The following TEX14 variants were observed in gnomAD, a reference collection of about 807,000 sequenced individuals.
TEX14 encodes inactive serine/threonine-protein kinase TEX14.
A neutral mutation model predicts 178.6 loss-of-function variants in TEX14; 168 were observed. That is an observed-to-expected ratio of 0.94 (90% CI 0.83 to 1.07). The LOEUF is 1.07. TEX14 is among the 50% of genes least tolerant of loss of function. The probability of loss-of-function intolerance (pLI) is 0.00; values close to 1 mark genes in which losing one functional copy is unlikely to be tolerated. For synonymous variants in TEX14, 626 were observed against 634.1 expected (o/e 0.99, Z 0.19); for missense variants, 1,730 against 1,753.6 (o/e 0.99, Z 0.24).
chr17:58,677,854 T>C (rs1215201296), intron 1 of TEX14: 1 of 152,228 alleles, frequency 6.6e-6, no homozygotes, highest in Non-Finnish European at 1.5e-5. Flanking sequence ...TTTTCCAAAG[T>C]TTAAGAGCCA....
chr17:58,564,520 A>G (rs2044355724), intron 28 of TEX14, among the ~76,000 whole-genome samples: 1 of 152,180 alleles, frequency 6.6e-6, no homozygotes, highest in African/African-American at 2.4e-5. Flanking sequence ...GGAAGAAGAG[A>G]AAATGGGGAG....
rs1370053157 is a variant in TEX14 at position 58,601,948 on chromosome 17, A to G, written c.1536T>C (p.Thr512=). The change falls in exon 13 of 32, where the codon ACT becomes ACC. Residue 512 remains threonine (T), a synonymous_variant. Transcript: ENST00000349033. ...YILKNDLKDF[T]GAQRTQPTES... ...CGGTTGGTTGAGTTCTCTGGGCTCCAGTAAAATCCTGTAACACAGGAAATA... is the reference window on the plus strand; with the variant it reads ...CGGTTGGTTGAGTTCTCTGGGCTCCGGTAAAATCCTGTAACACAGGAAATA... 6.2e-7 allele frequency: 1 copy of G among 1,613,052 alleles called. No homozygotes were observed. The highest frequency in any genetic ancestry group is 2.2e-5 in the East Asian group (1 of 44,886).
At chr17:58,597,552 T>A (rs748955959) in intron 14 of TEX14, among the ~76,000 whole-genome samples, 25 of 152,154 alleles carry the variant, frequency 1.6e-4, no homozygotes, top group South Asian at 4.1e-4. Flanking sequence ...CGCCTTCCAA[T>A]GAGGCAGACC....
At chr17:58,562,044 G>A (rs371996704) in intron 28 of TEX14, among the ~76,000 whole-genome samples, 22 of 151,890 alleles carry the variant, frequency 1.4e-4, no homozygotes, top group Admixed American at 3.3e-4. Context: ...GAGATCACGC[G>A]ACTGCACTCT....
intron 1 of TEX14, among the ~76,000 whole-genome samples, chr17:58,670,903 T>C (rs973292114): frequency 2.0e-5 from 3 of 151,994 alleles, no homozygotes; most frequent in African/African-American, 7.3e-5. Flanking sequence ...ATATATTAAT[T>C]AGCTCCCTGT....
At chr17:58,632,105 G>T in intron 2 of TEX14, among the ~76,000 whole-genome samples, 1 of 152,314 alleles carries the variant, frequency 6.6e-6, no homozygotes, top group South Asian at 2.1e-4. Context: ...TCCTCCACGC[G>T]TAACGCTGAC....
chr17:58,594,613 A>G (rs2045236589), intron 14 of TEX14, among the ~76,000 whole-genome samples: 2 of 152,090 alleles, frequency 1.3e-5, no homozygotes, highest in Non-Finnish European at 2.9e-5. Flanking sequence ...TTGACCTCCC[A>G]AAGTACAGGG....
chr17:58,667,380 C>T (rs1377342715), intron 1 of TEX14, among the ~76,000 whole-genome samples: 1 of 152,132 alleles, frequency 6.6e-6, no homozygotes, highest in Non-Finnish European at 1.5e-5. Context: ...AAGACTAAAA[C>T]AAATACATTA....
At chr17:58,679,623 A>C (rs1187102467) in intron 1 of TEX14, 1 of 152,222 alleles carries the variant, frequency 6.6e-6, no homozygotes, top group African/African-American at 2.4e-5. Context: ...TCCACAATGC[A>C]AGAGACAAAC....
intron 11 of TEX14, among the ~76,000 whole-genome samples, chr17:58,604,463 T>A (rs1392052512): frequency 2.0e-5 from 3 of 151,146 alleles, no homozygotes; most frequent in Admixed American, 2.0e-4. Flanking sequence ...AGAGCAAGAC[T>A]CTGTCTCAAA....
At chr17:58,627,371 A>C (rs1441019035) in intron 3 of TEX14, among the ~76,000 whole-genome samples, 2 of 152,090 alleles carry the variant, frequency 1.3e-5, no homozygotes, top group Non-Finnish European at 2.9e-5. Flanking sequence ...AAAATGGTTT[A>C]TGTTTACTGA....
chr17:58,679,376 A>T (rs956074089), intron 1 of TEX14, among the ~76,000 whole-genome samples: 1 of 152,184 alleles, frequency 6.6e-6, no homozygotes, highest in African/African-American at 2.4e-5. Flanking sequence ...ACCAACCACG[A>T]GGGGTGTGAG....
chr17:58,616,683 C>T (rs1225777804), intron 6 of TEX14, among the ~76,000 whole-genome samples: 1 of 152,188 alleles, frequency 6.6e-6, no homozygotes, highest in Non-Finnish European at 1.5e-5. Context: ...CTTGGTCTCC[C>T]AAAGTGCTAA....
chr17:58,646,734 G>T (rs1321819073), intron 2 of TEX14, among the ~76,000 whole-genome samples: 1 of 152,098 alleles, frequency 6.6e-6, no homozygotes, highest in Non-Finnish European at 1.5e-5. Flanking sequence ...TGAATCTTGT[G>T]TGCTGACTTC....
In TEX14 at chr17:58,616,190, T is replaced by A; in HGVS notation, c.752A>T (p.Tyr251Phe). ...CCCCACTTACTTGGTCATGACCATG[T>A]AGGGGCCGCTGAAGAAAGAGAAGGT... ...EPTFSFFSGPYMVMTNLVWNG... is the reference protein window; with the variant it reads ...EPTFSFFSGPFMVMTNLVWNG... Residue 251 changes from tyrosine (Y) to phenylalanine (F), a missense_variant, in exon 7 of 32, where the codon TAC (tyrosine) becomes TTC (phenylalanine). Physicochemically the swap from Tyr to Phe is conservative, Grantham distance 22. This residue lies in a region of TEX14 where 789 missense variants were observed against 681.2 expected (regional missense o/e 1.16). Coordinates refer to ENST00000349033, the MANE Select transcript of TEX14 (RefSeq NM_031272.5). The A allele has an allele frequency of 6.2e-7, 1 of 1,613,796 alleles. No individual in the cohort carries two copies. Among genetic ancestry groups the A allele is most frequent in the Non-Finnish European group, 8.5e-7 (1 of 1,179,860 alleles).
intron 1 of TEX14, among the ~76,000 whole-genome samples, chr17:58,671,247 A>G (rs2047299592): frequency 6.6e-5 from 10 of 152,172 alleles, no homozygotes; most frequent in Admixed American, 6.6e-4. Flanking sequence ...TAGACTAGAG[A>G]GGGTTTCTTT....
At chr17:58,557,473 G>C (rs961952207) in intron 31 of TEX14, among the ~76,000 whole-genome samples, 18 of 152,058 alleles carry the variant, frequency 1.2e-4, no homozygotes, top group African/African-American at 4.3e-4. Context: ...GTTTCACCAT[G>C]TTGGCCAGGC....
At chr17:58,631,235 G>T in intron 2 of TEX14, 1 of 646,122 alleles carries the variant, frequency 1.5e-6, no homozygotes, top group South Asian at 6.9e-5. Context: ...GCCGAGGCGG[G>T]TAGATCACTT....
At chr17:58,575,204 T>C (rs1443731095) in intron 21 of TEX14, among the ~76,000 whole-genome samples, 1 of 150,468 alleles carries the variant, frequency 6.6e-6, no homozygotes, top group African/African-American at 2.5e-5. Context: ...AACCTTCGCC[T>C]CCTGGGTTCA....
Sources: gnomAD v4.1 joint callset for allele counts (sites outside exome capture counted in the v4.1 genomes callset) on GRCh38, gnomAD v4.1.1 for gene constraint, gnomAD v4.1.1 regional missense constraint, MANE v1.5 for transcripts, NCBI Gene and HGNC (gene_info 2026-07-23, HGNC 2026-07-21) for gene names.